TENM3: variants seen among roughly 807,000 people sequenced by gnomAD.
TENM3 encodes the protein teneurin transmembrane protein 3.
In TENM3, 63 loss-of-function variants were observed where a neutral mutation model predicts 255.1. That is an observed-to-expected ratio of 0.25 (90% CI 0.20 to 0.30). TENM3 has a LOEUF of 0.30. Among genes scored for constraint, TENM3 ranks in the 10% least tolerant of loss-of-function variants. The pLI is 1.00. For missense variants in TENM3, 2,929 were observed against 3,461.1 expected, an observed-to-expected ratio of 0.85 and a Z score of 3.86; for synonymous variants, 1,306 against 1,322.3, an observed-to-expected ratio of 0.99 and a Z score of 0.27.
At chr4:181,503,507 C>A in the TENM3 span, among the ~76,000 whole-genome samples, 1 of 152,174 alleles carries the variant, frequency 6.6e-6, no homozygotes, top group Admixed American at 6.5e-5. Flanking sequence ...CAGTGATCTG[C>A]AAAGATTAAA....
intron 1 of TENM3, among the ~76,000 whole-genome samples, chr4:182,319,343 T>C (rs1379626997): frequency 6.6e-6 from 1 of 152,244 alleles, no homozygotes; most frequent in East Asian, 1.9e-4. Flanking sequence ...AAACTGCCTT[T>C]TGAAGTCATA....
the TENM3 span, among the ~76,000 whole-genome samples, chr4:181,841,119 A>G: frequency 6.6e-6 from 1 of 152,088 alleles, no homozygotes; most frequent in South Asian, 2.1e-4. Context: ...TATGGGATGT[A>G]GATATATGTG....
chr4:182,750,412 C>T (rs561244430), intron 19 of TENM3, among the ~76,000 whole-genome samples: 31 of 152,264 alleles, frequency 2.0e-4, no homozygotes, highest in African/African-American at 7.2e-4. Flanking sequence ...CTCCACAAGG[C>T]CTCTACAGAC....
intron 1 of TENM3, among the ~76,000 whole-genome samples, chr4:182,214,293 G>A (rs1003293678): frequency 2.0e-5 from 3 of 152,040 alleles, no homozygotes; most frequent in Admixed American, 6.6e-5. Flanking sequence ...TCAAGAAAGC[G>A]AAATAAATTT....
the TENM3 span, among the ~76,000 whole-genome samples, chr4:181,710,487 G>A: frequency 6.6e-6 from 1 of 152,010 alleles, no homozygotes; most frequent in Non-Finnish European, 1.5e-5. Context: ...GGAGGCTGAG[G>A]CGGGCGGATC....
chr4:182,718,233 G>A (rs180877536), intron 13 of TENM3, among the ~76,000 whole-genome samples: 3 of 151,860 alleles, frequency 2.0e-5, no homozygotes, highest in Admixed American at 2.0e-4. Context: ...TTGCACCCAG[G>A]TGTTCAAATG....
At chr4:181,958,109 TAAAG>T in the TENM3 span, among the ~76,000 whole-genome samples, 1 of 152,186 alleles carries the variant, frequency 6.6e-6, no homozygotes, top group Admixed American at 6.5e-5. Flanking sequence ...TTCATACTGT[TAAAG>T]AAAGTAAATT....
chr4:181,540,271 C>T, the TENM3 span, among the ~76,000 whole-genome samples: 73,225 of 151,840 alleles, frequency 0.48, 19,416 homozygotes, highest in African/African-American at 0.67. Context: ...ATCCGAATAA[C>T]AAAAATAACG....
At chr4:181,883,154 G>A in the TENM3 span, among the ~76,000 whole-genome samples, 1 of 42,966 alleles carries the variant, frequency 2.3e-5, no homozygotes, top group Non-Finnish European at 5.5e-5. Context: ...TTAATAACTG[G>A]TTTAGTTCAT....
chr4:181,855,991 GAGGGAAGGAAGGAAGGAAGGAAAGGGA>G, the TENM3 span, among the ~76,000 whole-genome samples: 1 of 139,714 alleles, frequency 7.2e-6, no homozygotes, highest in East Asian at 2.1e-4. Context: ...AGGAAAGAAG[GAGGGAAGGAAGGAAGGAAGGAAAGGGA>G]AAGAAGGAAG....
chr4:182,762,291 G>A (rs564727669), intron 22 of TENM3, among the ~76,000 whole-genome samples: 30 of 152,310 alleles, frequency 2.0e-4, no homozygotes, highest in Admixed American at 1.2e-3. Context: ...GCTTCCACAA[G>A]TGTCCAGTTT....
chr4:181,915,014 A>C, the TENM3 span, among the ~76,000 whole-genome samples: 1 of 152,310 alleles, frequency 6.6e-6, no homozygotes, highest in Non-Finnish European at 1.5e-5. Flanking sequence ...ACGGAAGTCA[A>C]GTTTGAGCCC....
intron 3 of TENM3, among the ~76,000 whole-genome samples, chr4:182,412,802 T>C (rs547499185): frequency 6.7e-6 from 1 of 149,768 alleles, no homozygotes; most frequent in Non-Finnish European, 1.5e-5. Context: ...GAGGTGGAGG[T>C]TGCAGTGAGC....
At chr4:181,852,467 G>C in the TENM3 span, among the ~76,000 whole-genome samples, 1 of 152,096 alleles carries the variant, frequency 6.6e-6, no homozygotes, top group South Asian at 2.1e-4. Context: ...TTTTTCATGG[G>C]GTTCACTTTT....
chr4:181,673,259 T>A, the TENM3 span, among the ~76,000 whole-genome samples: 1 of 152,148 alleles, frequency 6.6e-6, no homozygotes, highest in Non-Finnish European at 1.5e-5. Context: ...GAATGTGGAT[T>A]TTTCCATGCC....
chr4:181,528,776 G>A, the TENM3 span, among the ~76,000 whole-genome samples: 51 of 152,300 alleles, frequency 3.3e-4, no homozygotes, highest in African/African-American at 1.2e-3. Flanking sequence ...CTGCCCCCTA[G>A]TGCAAGTGTG....
intron 3 of TENM3, among the ~76,000 whole-genome samples, chr4:182,408,430 C>T (rs569156638): frequency 7.2e-5 from 11 of 152,268 alleles, no homozygotes; most frequent in East Asian, 3.9e-4. Flanking sequence ...TTAACTGGAA[C>T]GGTTGGTTGT....
chr4:181,801,276 C>T, the TENM3 span, among the ~76,000 whole-genome samples: 2 of 152,072 alleles, frequency 1.3e-5, no homozygotes, highest in African/African-American at 2.4e-5. Flanking sequence ...ACTCTTTACA[C>T]GTCTGAGAGA....
At chr4:182,288,972 C>T (rs1364614200) in intron 1 of TENM3, among the ~76,000 whole-genome samples, 1 of 152,140 alleles carries the variant, frequency 6.6e-6, no homozygotes, top group African/African-American at 2.4e-5. Flanking sequence ...TGCCTGTAAT[C>T]CCAGCACTTT....
Sources: gnomAD v4.1 joint callset for allele counts (sites outside exome capture counted in the v4.1 genomes callset) on GRCh38, gnomAD v4.1.1 for gene constraint, MANE v1.5 for transcripts, NCBI Gene and HGNC (gene_info 2026-07-23, HGNC 2026-07-21) for gene names.